PDE4D: variants seen among roughly 807,000 people sequenced by gnomAD.
PDE4D encodes 3',5'-cyclic-AMP phosphodiesterase 4D.
Under a neutral mutation model 87.4 loss-of-function variants are expected in PDE4D, and 24 were observed. The observed-to-expected ratio is 0.27, with a 90% confidence interval of 0.20 to 0.39. PDE4D has a LOEUF of 0.39. Ranked by LOEUF, PDE4D falls within the 10% of genes least tolerant of loss-of-function variation. The probability of loss-of-function intolerance (pLI) is 1.00; values close to 1 mark genes in which losing one functional copy is unlikely to be tolerated. For missense variants in PDE4D, 714 were observed against 1,041.0 expected (o/e 0.69, Z 4.32); for synonymous variants, 384 against 383.2 (o/e 1.00, Z -0.02).
intron 1 of PDE4D, among the ~76,000 whole-genome samples, chr5:59,790,811 A>G (rs1184237455): frequency 6.6e-6 from 1 of 152,190 alleles, no homozygotes; most frequent in Non-Finnish European, 1.5e-5. Flanking sequence ...AAAATGTGTT[A>G]TAGATCACGA....
intron 1 of PDE4D, among the ~76,000 whole-genome samples, chr5:59,638,805 T>G (rs939414758): frequency 1.3e-5 from 2 of 152,100 alleles, no homozygotes; most frequent in Non-Finnish European, 2.9e-5. Flanking sequence ...ACAAATTTTC[T>G]TGAAAAAATG....
At chr5:59,037,298 T>G (rs1498603) in intron 6 of PDE4D, among the ~76,000 whole-genome samples, 8,871 of 152,268 alleles carry the variant, frequency 0.058, 414 homozygotes, top group Admixed American at 0.13. Flanking sequence ...CATTGCTAAG[T>G]GGCTTTTGAT....
chr5:59,064,182 C>G (rs113327194), intron 5 of PDE4D, among the ~76,000 whole-genome samples: 1 of 151,990 alleles, frequency 6.6e-6, no homozygotes, highest in East Asian at 1.9e-4. Context: ...AAGACACTGA[C>G]AAAGTCTGGA....
chr5:60,382,587 C>G (rs1296209376), intron 1 of PDE4D, among the ~76,000 whole-genome samples: 1 of 152,108 alleles, frequency 6.6e-6, no homozygotes, highest in Non-Finnish European at 1.5e-5. Context: ...TCAGAAACTC[C>G]TTTAAATAAT....
chr5:59,699,165 C>T (rs73758859), intron 1 of PDE4D, among the ~76,000 whole-genome samples: 10,927 of 152,032 alleles, frequency 0.072, 1,214 homozygotes, highest in African/African-American at 0.24. Flanking sequence ...TCTCATAATT[C>T]TGTTAAAAAA....
At chr5:59,971,125 C>T (rs912571608) in intron 3 of PDE4D, among the ~76,000 whole-genome samples, 3 of 146,546 alleles carry the variant, frequency 2.0e-5, no homozygotes, top group African/African-American at 5.1e-5. Context: ...CCAAACACCG[C>T]ATATTCTCAC....
In PDE4D at chr5:59,079,838, GGGAGAGGAGGGGAGA is replaced by G. The variant is rs1440668341; in HGVS notation, c.809-40882_809-40868del. ...TGTCAAGGAAAGGAAAGGAAAGGAG[GGGAGAGGAGGGGAGA>G]GGAGAGGAGAGGAGAGGAGAGGAGA... On this transcript the variant is annotated intron_variant, in intron 5 of 14. Coordinates refer to ENST00000340635, the MANE Select transcript of PDE4D (RefSeq NM_001104631.2). Among the ~76,000 whole-genome samples, 72 of 111,298 alleles carry G rather than the reference GGGAGAGGAGGGGAGA, an allele frequency of 6.5e-4. 1 individual carries two copies. Among genetic ancestry groups the G allele is most frequent in the African/African-American group, 2.4e-3 (64 of 26,790 alleles). 73.0% of individuals were successfully genotyped at this position (111,298 alleles called of 152,430 possible). A position where few individuals can be genotyped will look rare whatever the true frequency, so the allele number is the denominator to read the frequency against.
At chr5:60,199,085 T>G (rs1484309177) in intron 1 of PDE4D, among the ~76,000 whole-genome samples, 1 of 151,788 alleles carries the variant, frequency 6.6e-6, no homozygotes, top group Non-Finnish European at 1.5e-5. Context: ...TTTGAAATCC[T>G]TTTCATTTTG....
At chr5:59,448,705 A>G (rs953930505) in intron 1 of PDE4D, among the ~76,000 whole-genome samples, 3 of 152,186 alleles carry the variant, frequency 2.0e-5, no homozygotes, top group African/African-American at 4.8e-5. Flanking sequence ...CAGTGGCACA[A>G]TCGCTGCAAC....
chr5:59,513,575 C>A (rs1214409223), intron 1 of PDE4D, among the ~76,000 whole-genome samples: 1 of 152,114 alleles, frequency 6.6e-6, no homozygotes, highest in Non-Finnish European at 1.5e-5. Flanking sequence ...AGTTCATAAC[C>A]TTCATGAGCA....
At chr5:59,767,197 A>G (rs1762906574) in intron 1 of PDE4D, among the ~76,000 whole-genome samples, 2 of 151,702 alleles carry the variant, frequency 1.3e-5, no homozygotes, top group South Asian at 4.2e-4. Context: ...TTAGTTAGTT[A>G]TGGCAAAACT....
intron 1 of PDE4D, among the ~76,000 whole-genome samples, chr5:59,869,204 C>T (rs1401180656): frequency 6.6e-6 from 1 of 152,146 alleles, no homozygotes; most frequent in Non-Finnish European, 1.5e-5. Flanking sequence ...CTCTGAGAGT[C>T]CCTAACAGGG....
At chr5:59,762,595 T>C (rs562188160) in intron 1 of PDE4D, among the ~76,000 whole-genome samples, 6 of 146,102 alleles carry the variant, frequency 4.1e-5, no homozygotes, top group Non-Finnish European at 9.1e-5. Context: ...CACATATGTG[T>C]ATATGTGTAT....
intron 2 of PDE4D, among the ~76,000 whole-genome samples, chr5:60,050,048 G>C (rs56291472): frequency 0.48 from 72,381 of 152,100 alleles, 18,047 homozygotes; most frequent in Admixed American, 0.55. Context: ...TCCAAGCCAG[G>C]TGCAGGATAT....
intron 5 of PDE4D, among the ~76,000 whole-genome samples, chr5:59,067,818 T>C (rs1764163917): frequency 6.6e-6 from 1 of 152,214 alleles, no homozygotes; most frequent in African/African-American, 2.4e-5. Context: ...AGTTTTCATT[T>C]AAAAGAAAAC....
chr5:59,725,729 G>A (rs911627992), intron 1 of PDE4D, among the ~76,000 whole-genome samples: 15 of 152,088 alleles, frequency 9.9e-5, no homozygotes, highest in Non-Finnish European at 2.2e-4. Flanking sequence ...ATTACTTTGT[G>A]TTCCTTCTCA....
chr5:60,054,332 C>T (rs1000664586), intron 2 of PDE4D, among the ~76,000 whole-genome samples: 3 of 152,170 alleles, frequency 2.0e-5, no homozygotes, highest in African/African-American at 7.2e-5. Flanking sequence ...GGCATACATA[C>T]CATGGAATAC....
At chr5:60,114,037 C>T (rs1777920194) in intron 2 of PDE4D, among the ~76,000 whole-genome samples, 1 of 152,108 alleles carries the variant, frequency 6.6e-6, no homozygotes, top group African/African-American at 2.4e-5. Context: ...TAACTAAACT[C>T]TGTTGAAATA....
chr5:59,056,106 T>A (rs1762313344), intron 5 of PDE4D, among the ~76,000 whole-genome samples: 1 of 152,134 alleles, frequency 6.6e-6, no homozygotes, highest in Admixed American at 6.5e-5. Context: ...CTCCACCTGG[T>A]AGTTCATGAT....
Sources: gnomAD v4.1 joint callset for allele counts (sites outside exome capture counted in the v4.1 genomes callset) on GRCh38, gnomAD v4.1.1 for gene constraint, MANE v1.5 for transcripts, NCBI Gene and HGNC (gene_info 2026-07-23, HGNC 2026-07-21) for gene names.